Variants in RABGAP1 observed in about 807,000 individuals in gnomAD.
RABGAP1 encodes RAB GTPase activating protein 1.
RABGAP1 carries 23 observed loss-of-function variants against 137.6 expected under a neutral mutation model. The observed-to-expected ratio is 0.17, with a 90% CI of 0.12 to 0.24. The LOEUF (loss-of-function observed/expected upper bound fraction) is 0.24, where lower values mean the gene tolerates loss of function less well. Ranked by LOEUF, RABGAP1 falls within the 10% of genes least tolerant of loss-of-function variation. RABGAP1 has a pLI of 1.00. For synonymous variants in RABGAP1, 451 were observed against 450.7 expected (o/e 1.00, Z -0.01); for missense variants, 906 against 1,275.8 (o/e 0.71, Z 4.42).
intron 1 of RABGAP1, among the ~76,000 whole-genome samples, chr9:122,948,812 G>C (rs1276712518): frequency 6.6e-6 from 1 of 152,134 alleles, no homozygotes; most frequent in Admixed American, 6.5e-5. Context: ...CCCAGTACAT[G>C]CATGTAGAGT....
At position 122,961,869 on chromosome 9, in the gene RABGAP1, C is replaced by G. The variant is rs144022001; in HGVS notation, c.150+4660C>G. 2.9e-3 allele frequency among the ~76,000 whole-genome samples: 442 copies of G among 152,150 alleles called. 2 individuals carry two copies. Among genetic ancestry groups the G allele is most frequent in the African/African-American group, 0.01 (418 of 41,508 alleles). On this transcript the variant is annotated intron_variant, in intron 2 of 25. Transcript: ENST00000373647. Reference sequence around the variant, plus strand: ...TAGGAAAAAGGAGATAAGATAGGGACAGATCTGTGTTTGGGCTAGGAAATA... The same window carrying G: ...TAGGAAAAAGGAGATAAGATAGGGAGAGATCTGTGTTTGGGCTAGGAAATA...
chr9:123,029,613 C>T, intron 13 of RABGAP1: 2 of 738,000 alleles, frequency 2.7e-6, no homozygotes, highest in Admixed American at 3.5e-5. Flanking sequence ...TCAAACAAGA[C>T]AAGGTATTGA....
In RABGAP1 at chr9:123,023,307, A is replaced by G. The variant is rs2031763449; in HGVS notation, c.1794+2848A>G. ...GCGATTCTCCTGCATCAGCCTCCCAAGTAGCTGGGATTACAGGCACACGCC... is the reference window on the plus strand; with the variant it reads ...GCGATTCTCCTGCATCAGCCTCCCAGGTAGCTGGGATTACAGGCACACGCC... On this transcript the variant is annotated intron_variant, in intron 13 of 25. Transcript: ENST00000373647. 2.0e-5 allele frequency among the ~76,000 whole-genome samples: 3 copies of G among 152,110 alleles called. No homozygotes were observed. The South Asian group carries it at 6.2e-4, about 32-fold the overall frequency.
chr9:123,067,098 C>T (rs1282568917), intron 14 of RABGAP1, among the ~76,000 whole-genome samples: 6 of 152,156 alleles, frequency 3.9e-5, no homozygotes, highest in Admixed American at 1.3e-4. Flanking sequence ...ATCCTTAATA[C>T]GGCTAGTTAG....
At chr9:123,082,673 A>G (rs1386574760) in intron 19 of RABGAP1, among the ~76,000 whole-genome samples, 1 of 152,030 alleles carries the variant, frequency 6.6e-6, no homozygotes, top group East Asian at 1.9e-4. Context: ...CTTAAGGTGA[A>G]ATGGAATTGC....
intron 2 of RABGAP1, among the ~76,000 whole-genome samples, chr9:122,974,650 A>C (rs1835673521): frequency 6.6e-6 from 1 of 152,124 alleles, no homozygotes; most frequent in Non-Finnish European, 1.5e-5. Context: ...AAAAATTAAA[A>C]TAAAACCCAT....
intron 2 of RABGAP1, among the ~76,000 whole-genome samples, chr9:122,976,167 ATGTTT>A (rs1835751878): frequency 6.6e-6 from 1 of 152,198 alleles, no homozygotes; most frequent in Non-Finnish European, 1.5e-5. Context: ...TTTATGTCAT[ATGTTT>A]ACAGTAGCTG....
chr9:122,939,064 A>G (rs1833440940), upstream of RABGAP1: 1 of 152,220 alleles, frequency 6.6e-6, no homozygotes, highest in Non-Finnish European at 1.5e-5. Flanking sequence ...TCAACAGAAT[A>G]TTTGATTGTA....
At chr9:122,989,208 TA>T (rs1254942267) in intron 4 of RABGAP1, 88 bp from the exon 5 acceptor site, 2 of 1,210,860 alleles carry the variant, frequency 1.7e-6, no homozygotes. Flanking sequence ...ATCTTCTTAC[TA>T]GAAAGAATGA....
intron 12 of RABGAP1, among the ~76,000 whole-genome samples, chr9:123,017,994 A>AT (rs1329625556): frequency 6.6e-6 from 1 of 151,694 alleles, no homozygotes. Context: ...CTCCAAGTTC[A>AT]TTTTTTTTGT....
intron 12 of RABGAP1, among the ~76,000 whole-genome samples, 184 bp from the exon 13 acceptor site, chr9:123,020,125 C>T (rs1034547065): frequency 4.1e-5 from 6 of 144,952 alleles, no homozygotes; most frequent in African/African-American, 1.5e-4. Context: ...TTTTTATTTT[C>T]TTCCACCCAA....
Position 122,990,216 on chromosome 9 carries a change from A to G in RABGAP1, c.923+3A>G. 6.3e-7 allele frequency: 1 copy of G among 1,592,180 alleles called. No individual in the cohort carries two copies. Among genetic ancestry groups the G allele is most frequent in the South Asian group, 1.1e-5 (1 of 89,816 alleles). On this transcript the variant is annotated splice_donor_region_variant and intron_variant, in intron 6 of 25. Transcript: ENST00000373647. ...GATGATGGTAAAGGTTATTTTAGGT[A>G]GGGAATCTTATTTTATTCATGTATT...
At chr9:123,002,368 A>ATAT (rs377689069) in intron 10 of RABGAP1, among the ~76,000 whole-genome samples, 32 of 108,544 alleles carry the variant, frequency 2.9e-4, no homozygotes, top group Non-Finnish European at 1.3e-4. Context: ...ATATATATAT[A>ATAT]TTTTTTTTTT....
At position 122,947,288 on chromosome 9, in the gene RABGAP1, G is replaced by A. The variant is rs541626129; in HGVS notation, c.-50+6195G>A. Among the ~76,000 whole-genome samples the A allele has an allele frequency of 1.4e-3, 210 of 152,304 alleles. 1 individual carries two copies. The highest frequency in any genetic ancestry group is 6.8e-4 in the Non-Finnish European group (46 of 68,020). On this transcript the variant is annotated intron_variant, in intron 1 of 25. Transcript: ENST00000373647. ...CTGCTTATATGATACACCTAGAGTA[G>A]TCAATTTCTTAGAGATGGAAAGTAG... is the stretch of plus-strand genomic sequence containing the variant.
intron 2 of RABGAP1, among the ~76,000 whole-genome samples, chr9:122,958,835 C>T (rs1180136671): frequency 6.6e-6 from 1 of 152,020 alleles, no homozygotes; most frequent in African/African-American, 2.4e-5. Flanking sequence ...ATGGCAAAAC[C>T]CCATTTCTAC....
chr9:123,051,184 A>T (rs2132060196), intron 13 of RABGAP1, among the ~76,000 whole-genome samples: 1 of 102,564 alleles, frequency 9.8e-6, no homozygotes, highest in Admixed American at 1.1e-4. Flanking sequence ...CTTTTCTTTG[A>T]GGAGCCACAT....
chr9:123,003,258 T>A (rs2131843812), intron 10 of RABGAP1, among the ~76,000 whole-genome samples: 1 of 152,316 alleles, frequency 6.6e-6, no homozygotes, highest in Middle Eastern at 3.4e-3. Flanking sequence ...TGAGGATAAA[T>A]AGTATTTTCA....
chr9:123,033,816 A>G (rs1445867072), intron 13 of RABGAP1: 1 of 152,268 alleles, frequency 6.6e-6, no homozygotes. Flanking sequence ...TTATATTGGA[A>G]TCAATGAAGA....
At position 122,984,353 on chromosome 9, in the gene RABGAP1, TAAA is replaced by T. The variant is rs759983305; in HGVS notation, c.151-126_151-124del. 5 of 774,746 alleles carry T rather than the reference TAAA, an allele frequency of 6.5e-6. No homozygotes were observed. In the African/African-American group the frequency reaches 8.8e-5, roughly 14 times the overall value. The allele number at this position is 774,746 out of a possible 1,614,324, so 48.0% of individuals were successfully genotyped here. A position where few individuals can be genotyped will look rare whatever the true frequency, so the allele number is the denominator to read the frequency against. On this transcript the variant is annotated intron_variant, in intron 2 of 25. Transcript: ENST00000373647. Reference sequence around the variant, plus strand: ...TGCAGATCTTGATTTATTCTATTTTTAAAAAAAACATTCAGAAGATATCTTTGT... The same window carrying T: ...TGCAGATCTTGATTTATTCTATTTTTAAAAACATTCAGAAGATATCTTTGT...
Sources: allele counts gnomAD v4.1 joint callset (sites outside exome capture counted in the v4.1 genomes callset), GRCh38; gene constraint gnomAD v4.1.1; transcripts MANE v1.5; gene names NCBI Gene and HGNC (gene_info 2026-07-23, HGNC 2026-07-21).